HSPBP1: variants seen among roughly 807,000 people sequenced by gnomAD.
HSPBP1 encodes the protein HSPA (Hsp70) binding protein 1, also known as hsp70-binding protein 1.
A neutral mutation model predicts 41.7 loss-of-function variants in HSPBP1; 31 were observed. The observed-to-expected ratio is 0.74, with a 90% CI of 0.56 to 1.00. HSPBP1 has a LOEUF of 1.00. Among genes scored for constraint, HSPBP1 ranks in the 50% least tolerant of loss-of-function variants. The pLI, the probability that HSPBP1 is intolerant of heterozygous loss-of-function variation, is 0.00. For synonymous variants in HSPBP1, 199 were observed against 214.4 expected (o/e 0.93, Z 0.63); for missense variants, 439 against 487.9 (o/e 0.90, Z 0.94).
At chr19:55,274,372 G>GCCCCCCCCCCCCCC in intron 4 of HSPBP1, 26 bp downstream of exon 4, 1 of 204,296 alleles carries the variant, frequency 4.9e-6, no homozygotes, top group Non-Finnish European at 6.8e-6. Flanking sequence ...CAGCACCCCT[G>GCCCCCCCCCCCCCC]TCCCCAGCCC....
rs557860707 is a variant in HSPBP1 at position 55,277,843 on chromosome 19, G to A, written c.214C>T (p.Arg72Cys). 8.4e-6 allele frequency: 13 copies of A among 1,550,284 alleles called. No individual in the cohort carries two copies. In the East Asian group the frequency reaches 1.1e-4, roughly 14 times the overall value. ...GACATGGCCTCCTGCAGCCACTGAC[G>A]CCTCTGGAGACCAAGGCGAGGAGGA... ...PPPEPMSEER[R>C]QWLQEAMSAA... Residue 72 changes from arginine to cysteine, a missense_variant, in exon 3 of 8, where the codon CGT becomes TGT. Coordinates refer to ENST00000433386, the MANE Select transcript of HSPBP1 (RefSeq NM_012267.5).
intron 2 of HSPBP1, among the ~76,000 whole-genome samples, chr19:55,278,937 A>C (rs896891227): frequency 2.0e-5 from 3 of 151,544 alleles, no homozygotes; most frequent in Admixed American, 6.6e-5. Flanking sequence ...AAAAAAAAAA[A>C]AAAACAGCAG....
At chr19:55,276,966 A>C (rs1600153663) in intron 3 of HSPBP1, among the ~76,000 whole-genome samples, 1 of 152,196 alleles carries the variant, frequency 6.6e-6, no homozygotes, top group East Asian at 1.9e-4. Context: ...CCCAAACCAG[A>C]CTGCCATGTA....
intron 4 of HSPBP1, among the ~76,000 whole-genome samples, chr19:55,271,216 C>CTT (rs375706192): frequency 1.4e-5 from 2 of 145,076 alleles, no homozygotes; most frequent in Admixed American, 6.9e-5. Flanking sequence ...TATGTAATGA[C>CTT]TTTTTTTTTT....
In HSPBP1 at chr19:55,274,566, C is replaced by T. The variant is rs186436823; in HGVS notation, c.472G>A (p.Ala158Thr). Residue 158 changes from alanine to threonine, a missense_variant, in exon 4 of 8, where the codon GCT becomes ACT. By Grantham distance (58) the Ala-to-Thr change is moderately conservative (BLOSUM62 0). Transcript: ENST00000433386. ...GCCGCCCGCCACCGCAGTCCCGCAG[C>T]CCCCGCCTCCAGGTACCGGCCCACC... The part of the protein sequence containing the change: ...LLVGRYLEAG[A>T]AGLRWRAAQL... 1 of 1,608,766 alleles carries T rather than the reference C, an allele frequency of 6.2e-7. No individual in the cohort carries two copies. Among genetic ancestry groups the T allele is most frequent in the South Asian group, 1.1e-5 (1 of 90,954 alleles).
At chr19:55,269,642 G>T (rs2122836986) in intron 4 of HSPBP1, among the ~76,000 whole-genome samples, 1 of 152,322 alleles carries the variant, frequency 6.6e-6, no homozygotes, top group Middle Eastern at 3.4e-3. Flanking sequence ...GCTGCAGATT[G>T]CATGGTTCCA....
Position 55,272,264 on chromosome 19 carries a change from G to A in HSPBP1, c.640+2134C>T, listed in dbSNP as rs1217487875. Among the ~76,000 whole-genome samples, 2 of 152,126 alleles carry A rather than the reference G, an allele frequency of 1.3e-5. No homozygotes were observed. Among genetic ancestry groups the A allele is most frequent in the Non-Finnish European group, 2.9e-5 (2 of 68,030 alleles). On this transcript the variant is annotated intron_variant, in intron 4 of 7. Transcript: ENST00000433386. The surrounding 1 kb of genome is among the most constrained non-coding windows in gnomAD (Gnocchi z 4.2). ...ACCAGGGACTGTCAGCAGACAGGCG[G>A]AGGAAGAGGCAGGGCACGGTGGACC...
At chr19:55,274,370 C>CCCCG in intron 4 of HSPBP1, 28 bp downstream of exon 4, 1 of 1,415,210 alleles carries the variant, frequency 7.1e-7, no homozygotes, top group Non-Finnish European at 9.5e-7. Context: ...GCCAGCACCC[C>CCCCG]TGTCCCCAGC....
intron 4 of HSPBP1, 54 bp downstream of exon 4, chr19:55,274,344 G>GCCCCCCCCCCCCCCCCCCCCCCCCCCCC: frequency 1.7e-5 from 5 of 293,904 alleles, no homozygotes; most frequent in East Asian, 7.3e-5. Flanking sequence ...GGGCCCACCC[G>GCCCCCCCCCCCCCCCCCCCCCCCCCCCC]GCACCCCCCC....
Position 55,270,075 on chromosome 19 carries a change from T to C in HSPBP1, c.641-3789A>G, listed in dbSNP as rs1171901951. 1.3e-5 allele frequency among the ~76,000 whole-genome samples: 2 copies of C among 152,114 alleles called. No homozygotes were observed. The highest frequency in any genetic ancestry group is 4.8e-5 in the African/African-American group (2 of 41,414). ...CAGCACGGAACTCCAGTAATGGTAC[T>C]GGACAGCCACACAATGGCATACCCT... On this transcript the variant is annotated intron_variant, in intron 4 of 7. Transcript: ENST00000433386. The surrounding 1 kb of genome is among the most constrained non-coding windows in gnomAD (Gnocchi z 5.4).
intron 7 of HSPBP1, 114 bp from the exon 8 acceptor site, chr19:55,262,796 C>T (rs1406124433): frequency 5.6e-6 from 5 of 892,760 alleles, no homozygotes; most frequent in Non-Finnish European, 8.8e-6. Flanking sequence ...CCACCCACTC[C>T]CCCCCACCAG....
intron 4 of HSPBP1, 55 bp downstream of exon 4, chr19:55,274,343 C>CCGCCCCCCCCCCCCCCCCCCCCCCCCCA: frequency 1.6e-6 from 1 of 639,920 alleles, no homozygotes; most frequent in Non-Finnish European, 2.6e-6. Context: ...GGGGCCCACC[C>CCGCCCCCCCCCCCCCCCCCCCCCCCCCA]GGCACCCCCC....
chr19:55,273,753 G>A (rs1240844174), intron 4 of HSPBP1, among the ~76,000 whole-genome samples: 2 of 152,034 alleles, frequency 1.3e-5, no homozygotes, highest in Admixed American at 6.6e-5. Flanking sequence ...GGATGCAAAC[G>A]GTCCCTACTT....
At position 55,275,763 on chromosome 19, in the gene HSPBP1, C is replaced by T. The variant is rs142230140; in HGVS notation, c.416-1141G>A. Among the ~76,000 whole-genome samples, 466 of 151,902 alleles carry T rather than the reference C, an allele frequency of 3.1e-3. 5 individuals carry two copies. Among genetic ancestry groups the T allele is most frequent in the African/African-American group, 0.011 (447 of 41,410 alleles). On this transcript the variant is annotated intron_variant, in intron 3 of 7. Transcript: ENST00000433386. ...AGGAATTCAAGACCAGCCTGGCCAA[C>T]ATGGTGAAACCTCATCTCTACTAAA... is the stretch of plus-strand genomic sequence containing the variant.
intron 2 of HSPBP1, among the ~76,000 whole-genome samples, chr19:55,278,129 CCCAGCTA>C (rs1426764232): frequency 2.0e-5 from 3 of 152,116 alleles, no homozygotes; most frequent in African/African-American, 2.4e-5. Context: ...AGCCTGTAAT[CCCAGCTA>C]CTCGGGAGGC....
chr19:55,274,842 C>G (rs960017205), intron 3 of HSPBP1, among the ~76,000 whole-genome samples: 5 of 152,192 alleles, frequency 3.3e-5, no homozygotes, highest in African/African-American at 1.2e-4. Flanking sequence ...AGGACACAGA[C>G]ACCCACAGAG....
rs757685454 is a variant in HSPBP1 at position 55,279,442 on chromosome 19, C to G, written c.167G>C (p.Gly56Ala). 1.2e-6 allele frequency: 2 copies of G among 1,604,632 alleles called. No individual in the cohort carries two copies. The highest frequency in any genetic ancestry group is 2.7e-5 in the African/African-American group (2 of 73,976). The change falls in exon 2 of 8, where the codon GGC becomes GCC. Residue 56 changes from glycine (G) to alanine (A), a missense_variant. Transcript: ENST00000433386. ...TGGAGGAGGGTCTGGCTCTTCAGAG[C>G]CCGCGGTGATGGCCATCTGCAGCAA... ...QGLLQMAITA[G>A]SEEPDPPPEP...
intron 2 of HSPBP1, 42 bp from the exon 3 acceptor site, chr19:55,277,888 C>A: frequency 7.0e-7 from 1 of 1,437,864 alleles, no homozygotes; most frequent in South Asian, 1.4e-5. Context: ...ATCCATCAGT[C>A]ATTCATTACA....
chr19:55,269,013 T>C (rs1455260835), intron 4 of HSPBP1, among the ~76,000 whole-genome samples: 2 of 152,130 alleles, frequency 1.3e-5, no homozygotes, highest in African/African-American at 4.8e-5. Flanking sequence ...CAGGCATGCA[T>C]GGACTGGAAA....
Sources: gnomAD v4.1 joint callset for allele counts (sites outside exome capture counted in the v4.1 genomes callset) on GRCh38, gnomAD v4.1.1 for gene constraint, Gnocchi (gnomAD v3.1) non-coding constraint, MANE v1.5 for transcripts, NCBI Gene and HGNC (gene_info 2026-07-23, HGNC 2026-07-21) for gene names.